Variants in SERPINC1 observed in about 807,000 individuals in gnomAD.
SERPINC1 encodes antithrombin-III.
In SERPINC1, 12 loss-of-function variants were observed where a neutral mutation model predicts 43.4. The ratio of observed to expected loss-of-function variants is 0.28; its 90% CI spans 0.18 to 0.45. The LOEUF is 0.45. Ranked by LOEUF, SERPINC1 falls within the 20% of genes least tolerant of loss-of-function variation. SERPINC1 has a pLI of 1.00. For synonymous variants in SERPINC1, 210 were observed against 218.9 expected (o/e 0.96, Z 0.36); for missense variants, 423 against 578.8 (o/e 0.73, Z 2.76).
chr1:173,915,418 G>C (rs530403879), intron 1 of SERPINC1, among the ~76,000 whole-genome samples: 87 of 152,314 alleles, frequency 5.7e-4, no homozygotes, highest in African/African-American at 2.0e-3. Flanking sequence ...GCTCACGCCT[G>C]TAATCCCAGC....
Position 173,903,828 on chromosome 1 carries a change from A to T in SERPINC1, c.*61T>A. ...ATAATGTGAGATGGAAGTAGTTTGT[A>T]TTTATTTTTACTTCTGTTCACAAAC... On this transcript the variant is annotated 3_prime_UTR_variant, in exon 7 of 7. Transcript: ENST00000367698. 7.1e-7 allele frequency: 1 copy of T among 1,416,236 alleles called. No homozygotes were observed. Among genetic ancestry groups the T allele is most frequent in the Non-Finnish European group, 1.0e-6 (1 of 1,001,964 alleles). 87.7% of individuals were successfully genotyped at this position (1,416,236 alleles called of 1,614,324 possible). A position where few individuals can be genotyped will look rare whatever the true frequency, so the allele number is the denominator to read the frequency against.
rs1230780708 is a variant in SERPINC1 at position 173,909,863 on chromosome 1, G to A, written c.842C>T (p.Ala281Val). 1 of 1,614,106 alleles carries A rather than the reference G, an allele frequency of 6.2e-7. No individual in the cohort carries two copies. Among genetic ancestry groups the A allele is most frequent in the South Asian group, 1.1e-5 (1 of 91,088 alleles). Reference protein sequence around the residue: ...FYKADGESCSASMMYQEGKFR... With the variant: ...FYKADGESCSVSMMYQEGKFR... The stretch of plus-strand genomic sequence containing the variant: ...CTTGCCTTCCTGGTACATCATAGAT[G>A]CTGAACACGACTCTCCATCAGCCTT... Residue 281 changes from alanine to valine, a missense_variant, in exon 5 of 7, where the codon GCA becomes GTA. Physicochemically the swap from Ala to Val is moderately conservative, Grantham distance 64 (BLOSUM62 0). Coordinates refer to ENST00000367698, the MANE Select transcript of SERPINC1 (RefSeq NM_000488.4).
rs542749519 is a variant in SERPINC1, at chr1:173,917,039, C to T, written c.41+180G>A. Among the ~76,000 whole-genome samples, 17 of 152,214 alleles carry T rather than the reference C, an allele frequency of 1.1e-4. No individual in the cohort carries two copies. In the South Asian group the frequency reaches 1.5e-3, roughly 13 times the overall value. On this transcript the variant is annotated intron_variant, in intron 1 of 6. Coordinates refer to ENST00000367698, the MANE Select transcript of SERPINC1 (RefSeq NM_000488.4). ...AAGGGGTAGCTTAGGAAAGGCCTTA[C>T]CCCAAGAGGTGGGGTGGGAGGGAGA... is the stretch of plus-strand genomic sequence containing the variant.
At chr1:173,910,046 G>T in intron 4 of SERPINC1, 104 bp from the exon 5 acceptor site, 1 of 1,168,276 alleles carries the variant, frequency 8.6e-7, no homozygotes, top group Non-Finnish European at 1.2e-6. Flanking sequence ...TAATTATTCG[G>T]AAAAAAGACT....
chr1:173,912,095 TCTGA>T (rs1199852330), intron 2 of SERPINC1, 81 bp from the exon 3 acceptor site: 9 of 975,722 alleles, frequency 9.2e-6, no homozygotes, highest in African/African-American at 1.6e-5. Context: ...CTGGTCAGTC[TCTGA>T]CTAATAGCCA....
At chr1:173,909,975 A>G in intron 4 of SERPINC1, 33 bp from the exon 5 acceptor site, 1 of 1,607,904 alleles carries the variant, frequency 6.2e-7, no homozygotes, top group Non-Finnish European at 8.5e-7. Context: ...GAACACAAAC[A>G]TTCATAGGAG....
chr1:173,915,519 T>C (rs532846429), intron 1 of SERPINC1, among the ~76,000 whole-genome samples: 13 of 152,086 alleles, frequency 8.5e-5, no homozygotes, highest in African/African-American at 3.1e-4. Flanking sequence ...CTACTAAAAA[T>C]ACAAAAATTA....
Position 173,914,771 on chromosome 1 carries a change from C to CA in SERPINC1, c.189dup (p.Glu64Ter). 6.2e-7 allele frequency: 1 copy of CA among 1,614,198 alleles called. No homozygotes were observed. The highest frequency in any genetic ancestry group is 8.5e-7 in the Non-Finnish European group (1 of 1,179,992). On this transcript the variant is annotated frameshift_variant, in exon 2 of 7. Transcript: ENST00000367698. LOFTEE classifies it high-confidence loss of function. The stretch of plus-strand genomic sequence containing the variant: ...ATCTTCTGTTCTGAGCCCTCATCCT[C>CA]AGTTGCCTTCTTCTCCGGGGAGCGG...
rs1188300975 is a variant in SERPINC1, at chr1:173,910,739, G to T, written c.762+15C>A. ...GAGGAAGTCCCTGGGGTCTCTCCAG[G>T]GCCATTCTGAGTACCTTGAAGTAAA... On this transcript the variant is annotated intron_variant, in intron 4 of 6. Transcript: ENST00000367698. 1.2e-6 allele frequency: 2 copies of T among 1,613,462 alleles called. No homozygotes were observed. Among genetic ancestry groups the T allele is most frequent in the Non-Finnish European group, 1.7e-6 (2 of 1,179,610 alleles).
chr1:173,911,773 G>A, intron 3 of SERPINC1, 26 bp downstream of exon 3: 1 of 1,565,940 alleles, frequency 6.4e-7, no homozygotes, highest in Non-Finnish European at 8.8e-7. Context: ...AGAACTCGGA[G>A]GTCAGGGGTA....
chr1:173,910,567 C>T (rs575049775), intron 4 of SERPINC1, among the ~76,000 whole-genome samples, 187 bp downstream of exon 4: 9 of 152,032 alleles, frequency 5.9e-5, no homozygotes, highest in East Asian at 1.9e-4. Flanking sequence ...GGCGACAGAG[C>T]GAGACTCTGT....
intron 4 of SERPINC1, 79 bp from the exon 5 acceptor site, chr1:173,910,021 T>C: frequency 7.2e-7 from 1 of 1,383,560 alleles, no homozygotes; most frequent in Non-Finnish European, 1.0e-6. Context: ...CATATTATAG[T>C]GTTACATTAA....
intron 5 of SERPINC1, among the ~76,000 whole-genome samples, chr1:173,908,490 C>CAAA (rs753240633): frequency 0.034 from 1,813 of 53,792 alleles, 44 homozygotes; most frequent in Middle Eastern, 0.054. Context: ...GACTTCGTCT[C>CAAA]AAAAAAAAAA....
chr1:173,913,799 G>A (rs185290413), intron 2 of SERPINC1, among the ~76,000 whole-genome samples: 3 of 151,070 alleles, frequency 2.0e-5, no homozygotes, highest in Admixed American at 2.0e-4. Context: ...AGGTTGCAGT[G>A]AGCTGAGATC....
chr1:173,910,496 C>G (rs200635591), intron 4 of SERPINC1, among the ~76,000 whole-genome samples: 1 of 152,002 alleles, frequency 6.6e-6, no homozygotes, highest in Middle Eastern at 3.2e-3. Flanking sequence ...CAGGAGAATG[C>G]CGTGAACCCA....
intron 1 of SERPINC1, chr1:173,915,121 C>T (rs1052059648): frequency 1.1e-5 from 16 of 1,438,928 alleles, no homozygotes; most frequent in South Asian, 7.4e-5. Context: ...GTTGCCTGGA[C>T]GTGGTCATGT....
At chr1:173,917,159 G>T in intron 1 of SERPINC1, 60 bp downstream of exon 1, 1 of 1,430,436 alleles carries the variant, frequency 7.0e-7, no homozygotes. Context: ...ATTCCTGTGA[G>T]TCCTTTGGAG....
intron 1 of SERPINC1, 107 bp from the exon 2 acceptor site, chr1:173,915,026 GC>G (rs1240328425): frequency 1.4e-5 from 22 of 1,539,540 alleles, no homozygotes; most frequent in Non-Finnish European, 1.9e-5. Flanking sequence ...ACCTGGTGTG[GC>G]CAAGAGAAAG....
chr1:173,906,827 C>T (rs896555255), intron 6 of SERPINC1, among the ~76,000 whole-genome samples: 1 of 152,018 alleles, frequency 6.6e-6, no homozygotes, highest in African/African-American at 2.4e-5. Context: ...TAAAACTTCT[C>T]CCTAGGTTGG....
Sources: allele counts gnomAD v4.1 joint callset (sites outside exome capture counted in the v4.1 genomes callset), GRCh38; gene constraint gnomAD v4.1.1; transcripts MANE v1.5; gene names NCBI Gene and HGNC (gene_info 2026-07-23, HGNC 2026-07-21).